Variants in ERC2 observed in about 807,000 individuals in gnomAD.
The protein encoded by ERC2 is ELKS/RAB6-interacting/CAST family member 2, also known as ERC protein 2.
ERC2 carries 42 observed loss-of-function variants against 114.8 expected under a neutral mutation model. That is an observed-to-expected ratio of 0.37 (90% confidence interval 0.29 to 0.47). ERC2 has a LOEUF of 0.47. Ranked by LOEUF, ERC2 falls within the 20% of genes least tolerant of loss-of-function variation. ERC2 has a pLI of 0.99. For synonymous variants in ERC2, 454 were observed against 425.5 expected (o/e 1.07, Z -0.82); for missense variants, 939 against 1,150.7 (o/e 0.82, Z 2.66).
chr3:55,873,306 G>T (rs900340218), intron 14 of ERC2, among the ~76,000 whole-genome samples: 5 of 152,070 alleles, frequency 3.3e-5, no homozygotes, highest in African/African-American at 1.2e-4. Flanking sequence ...TAAACACATG[G>T]CCAAACCACA....
At chr3:55,701,802 C>T (rs750556708) in intron 15 of ERC2, among the ~76,000 whole-genome samples, 2 of 152,238 alleles carry the variant, frequency 1.3e-5, no homozygotes, top group African/African-American at 2.4e-5. Context: ...TGAAATTTGG[C>T]GTTTACACCT....
At chr3:56,141,210 C>T (rs980498857) in intron 5 of ERC2, among the ~76,000 whole-genome samples, 8 of 152,134 alleles carry the variant, frequency 5.3e-5, no homozygotes, top group Admixed American at 2.6e-4. Context: ...CTACCCATTC[C>T]TTCATTCCTT....
At chr3:55,649,497 T>C (rs1575934091) in intron 17 of ERC2, among the ~76,000 whole-genome samples, 1 of 152,262 alleles carries the variant, frequency 6.6e-6, no homozygotes, top group Middle Eastern at 3.4e-3. Context: ...CCTGACCTCA[T>C]GATCCATCCG....
chr3:56,138,626 T>C (rs981885970), intron 6 of ERC2, among the ~76,000 whole-genome samples: 1 of 152,214 alleles, frequency 6.6e-6, no homozygotes, highest in Non-Finnish European at 1.5e-5. Context: ...TGCTAAAATA[T>C]ATACATGCAA....
intron 2 of ERC2, among the ~76,000 whole-genome samples, chr3:56,355,336 T>A (rs572978637): frequency 6.7e-6 from 1 of 150,136 alleles, no homozygotes; most frequent in East Asian, 1.9e-4. Context: ...CTTTTTTTTT[T>A]TTAACACATT....
chr3:55,539,006 C>T (rs1313339151), intron 17 of ERC2, among the ~76,000 whole-genome samples: 3 of 152,154 alleles, frequency 2.0e-5, no homozygotes, highest in Non-Finnish European at 4.4e-5. Flanking sequence ...GGAAATGTTT[C>T]CCAAATTATG....
At chr3:55,532,159 TTC>T (rs1433383731) in intron 17 of ERC2, among the ~76,000 whole-genome samples, 4 of 152,198 alleles carry the variant, frequency 2.6e-5, no homozygotes, top group African/African-American at 7.2e-5. Flanking sequence ...ACTAGGAGAA[TTC>T]CCTGCATGAA....
At chr3:56,467,426 G>C (rs2063596433) in intron 1 of ERC2, among the ~76,000 whole-genome samples, 1 of 152,196 alleles carries the variant, frequency 6.6e-6, no homozygotes, top group Admixed American at 6.5e-5. Context: ...AAGGAGAACA[G>C]AGACCCTTAA....
intron 7 of ERC2, among the ~76,000 whole-genome samples, chr3:56,022,579 CTCATGT>C (rs751300486): frequency 1.4e-4 from 22 of 152,110 alleles, no homozygotes; most frequent in Non-Finnish European, 2.4e-4. Context: ...GCACAGTTTT[CTCATGT>C]TCACAAATTG....
At chr3:56,284,226 T>C (rs868660840) in intron 3 of ERC2, among the ~76,000 whole-genome samples, 1 of 152,206 alleles carries the variant, frequency 6.6e-6, no homozygotes, top group Middle Eastern at 3.2e-3. Context: ...TAAAACTAGA[T>C]AGAGGACTTG....
At chr3:56,268,285 T>C (rs774547229) in intron 3 of ERC2, among the ~76,000 whole-genome samples, 11 of 152,212 alleles carry the variant, frequency 7.2e-5, no homozygotes, top group Non-Finnish European at 1.3e-4. Flanking sequence ...AGCCTAGGTA[T>C]GTAGGAAGCT....
At chr3:56,170,065 AT>A (rs2082551377) in intron 4 of ERC2, among the ~76,000 whole-genome samples, 1 of 152,358 alleles carries the variant, frequency 6.6e-6, no homozygotes, top group South Asian at 2.1e-4. Context: ...GCACTGCAAT[AT>A]CTACAAGAAA....
chr3:56,369,723 C>A (rs1361014594), intron 2 of ERC2, among the ~76,000 whole-genome samples: 1 of 151,546 alleles, frequency 6.6e-6, no homozygotes, highest in Admixed American at 6.6e-5. Context: ...TTTTGCCAGG[C>A]TGGAGTGCAG....
At chr3:56,379,063 CTGATACTTTACATTCTTT>C (rs2059653008) in intron 2 of ERC2, among the ~76,000 whole-genome samples, 2 of 152,176 alleles carry the variant, frequency 1.3e-5, no homozygotes, top group Admixed American at 6.5e-5. Context: ...TTAAAAATCA[CTGATACTTTACATTCTTT>C]TTTGTTGTAT....
chr3:56,110,785 T>G (rs896088087), intron 6 of ERC2, among the ~76,000 whole-genome samples: 38 of 152,358 alleles, frequency 2.5e-4, no homozygotes, highest in African/African-American at 9.1e-4. Context: ...ACATCAATAC[T>G]GGCTTATTTG....
At chr3:55,992,656 A>G (rs926735218) in intron 10 of ERC2, among the ~76,000 whole-genome samples, 2 of 152,212 alleles carry the variant, frequency 1.3e-5, no homozygotes, top group Non-Finnish European at 2.9e-5. Context: ...ATACAAAGAC[A>G]CCAAAACAAC....
At chr3:56,101,684 G>T (rs914575295) in intron 6 of ERC2, among the ~76,000 whole-genome samples, 4 of 152,098 alleles carry the variant, frequency 2.6e-5, no homozygotes, top group African/African-American at 9.7e-5. Flanking sequence ...CAACAACTCG[G>T]GTTTCCTGAT....
intron 17 of ERC2, among the ~76,000 whole-genome samples, chr3:55,522,044 T>A (rs1393354349): frequency 6.6e-6 from 1 of 152,266 alleles, no homozygotes; most frequent in African/African-American, 2.4e-5. Flanking sequence ...ATTCATTTTT[T>A]AAACTATTTA....
At chr3:55,995,853 C>A (rs1031637741) in intron 10 of ERC2, among the ~76,000 whole-genome samples, 3 of 152,202 alleles carry the variant, frequency 2.0e-5, no homozygotes, top group African/African-American at 7.2e-5. Flanking sequence ...GGAAATTGAG[C>A]TTATTAAAGC....
Sources: gnomAD v4.1 joint callset for allele counts (sites outside exome capture counted in the v4.1 genomes callset) on GRCh38, gnomAD v4.1.1 for gene constraint, MANE v1.5 for transcripts, NCBI Gene and HGNC (gene_info 2026-07-23, HGNC 2026-07-21) for gene names.